Variants in PCDH11Y observed in about 807,000 individuals in gnomAD.
PCDH11Y encodes the protein protocadherin 11 Y-linked, also known as protocadherin-11 Y-linked.
For synonymous variants in PCDH11Y, 9 were observed against 83.6 expected (o/e 0.11, Z 4.87); for missense variants, 12 against 224.8 (o/e 0.05, Z 6.05).
intron 4 of PCDH11Y, among the ~76,000 whole-genome samples, chrY:5,627,918 C>G: frequency 3.1e-5 from 1 of 32,449 alleles, no homozygotes; most frequent in Admixed American, 2.8e-4. Flanking sequence ...AATTTTGAAA[C>G]AATATATTTC....
chrY:5,025,226 T>C, intron 1 of PCDH11Y, among the ~76,000 whole-genome samples: 6 of 33,577 alleles, frequency 1.8e-4, no homozygotes, highest in African/African-American at 6.9e-4. Context: ...GGAAATTGTA[T>C]TAAGTTGACC....
At chrY:5,416,549 T>A in intron 2 of PCDH11Y, among the ~76,000 whole-genome samples, 1 of 32,860 alleles carries the variant, frequency 3.0e-5, no homozygotes, top group Admixed American at 2.8e-4. Context: ...GTTGTGTTCT[T>A]GGCTGCTCTC....
intron 2 of PCDH11Y, among the ~76,000 whole-genome samples, chrY:5,300,471 C>A: frequency 3.1e-5 from 1 of 32,279 alleles, no homozygotes; most frequent in Admixed American, 2.9e-4. Context: ...AAGCACAAAT[C>A]CTGCCTCAAA....
intron 4 of PCDH11Y, among the ~76,000 whole-genome samples, chrY:5,660,871 A>C: frequency 6.1e-5 from 2 of 32,570 alleles, no homozygotes; most frequent in Admixed American, 5.6e-4. Context: ...TTTTTTTCTT[A>C]AGCTTTTATT....
At chrY:5,407,976 T>G in intron 2 of PCDH11Y, among the ~76,000 whole-genome samples, 1 of 30,943 alleles carries the variant, frequency 3.2e-5, no homozygotes, top group Non-Finnish European at 7.8e-5. Flanking sequence ...AAGACTATTT[T>G]GGCACGCAGA....
chrY:5,012,379 G>A, intron 1 of PCDH11Y, among the ~76,000 whole-genome samples: 2 of 32,334 alleles, frequency 6.2e-5, no homozygotes, highest in Non-Finnish European at 1.5e-4. Context: ...AAGGAGTCAC[G>A]TCTTATATGG....
chrY:5,245,676 C>T, intron 2 of PCDH11Y, among the ~76,000 whole-genome samples: 1 of 31,984 alleles, frequency 3.1e-5, no homozygotes, highest in Non-Finnish European at 7.6e-5. Context: ...ACCCAAAAGG[C>T]CAGTGTACCT....
chrY:5,023,696 T>C, intron 1 of PCDH11Y, among the ~76,000 whole-genome samples: 1 of 33,665 alleles, frequency 3.0e-5, no homozygotes, highest in African/African-American at 1.2e-4. Context: ...CTCATATTTG[T>C]GTGTCTTTTG....
intron 3 of PCDH11Y, chrY:5,032,812 T>G: frequency 4.2e-6 from 1 of 236,940 alleles, no homozygotes; most frequent in Non-Finnish European, 6.6e-6. Context: ...TGAACTCCAA[T>G]TTTTCATGTT....
intron 2 of PCDH11Y, among the ~76,000 whole-genome samples, chrY:5,438,156 A>G: frequency 3.7e-5 from 1 of 27,052 alleles, no homozygotes. Flanking sequence ...TCATCTTAAG[A>G]GCAATGATTA....
intron 2 of PCDH11Y, among the ~76,000 whole-genome samples, chrY:5,352,045 GA>G (rs2053159863): frequency 3.1e-5 from 1 of 31,771 alleles, no homozygotes; most frequent in Non-Finnish European, 7.6e-5. Flanking sequence ...AATCCTTTTT[GA>G]AATTTGTCAG....
At chrY:5,010,652 TC>T (rs2052548072) in intron 1 of PCDH11Y, among the ~76,000 whole-genome samples, 1 of 25,216 alleles carries the variant, frequency 4.0e-5, no homozygotes, top group African/African-American at 1.6e-4. Context: ...TCACAGACAT[TC>T]TGAATGCCTC....
chrY:5,092,549 A>C (rs2052743324), intron 1 of PCDH11Y, among the ~76,000 whole-genome samples: 1 of 32,357 alleles, frequency 3.1e-5, no homozygotes, highest in Non-Finnish European at 7.7e-5. Context: ...TAGCAAACCA[A>C]GAATTTTTAG....
chrY:5,328,282 G>T (rs1602905339), intron 2 of PCDH11Y, among the ~76,000 whole-genome samples: 17 of 33,854 alleles, frequency 5.0e-4, no homozygotes, highest in African/African-American at 2.0e-3. Context: ...GGAACGCCTG[G>T]CTGCTACAGT....
At chrY:5,205,136 T>C (rs2052930098) in intron 2 of PCDH11Y, among the ~76,000 whole-genome samples, 1 of 30,378 alleles carries the variant, frequency 3.3e-5, no homozygotes, top group Non-Finnish European at 7.8e-5. Context: ...GGCTAAATTT[T>C]GTTGTTGTTT....
chrY:5,288,818 G>T, intron 2 of PCDH11Y, among the ~76,000 whole-genome samples: 1 of 28,775 alleles, frequency 3.5e-5, no homozygotes, highest in African/African-American at 1.4e-4. Flanking sequence ...TGGCAGCATG[G>T]GTGGGTCACT....
At chrY:5,155,814 T>C (rs1602877523) in intron 2 of PCDH11Y, among the ~76,000 whole-genome samples, 2 of 29,824 alleles carry the variant, frequency 6.7e-5, no homozygotes, top group East Asian at 1.7e-3. Flanking sequence ...ATGCCCCTTT[T>C]TGAGTTTTGG....
intron 2 of PCDH11Y, among the ~76,000 whole-genome samples, chrY:5,464,827 G>A: frequency 3.1e-5 from 1 of 32,599 alleles, no homozygotes; most frequent in Non-Finnish European, 7.5e-5. Context: ...GTCTCCACAC[G>A]CTGCTCTGTC....
At chrY:5,266,163 C>G in intron 2 of PCDH11Y, among the ~76,000 whole-genome samples, 2 of 33,473 alleles carry the variant, frequency 6.0e-5, no homozygotes, top group Non-Finnish European at 1.5e-4. Flanking sequence ...CCTTGAACTT[C>G]TAATGATTTT....
Sources: allele counts gnomAD v4.1 joint callset (sites outside exome capture counted in the v4.1 genomes callset), GRCh38; gene constraint gnomAD v4.1.1; transcripts MANE v1.5; gene names NCBI Gene and HGNC (gene_info 2026-07-23, HGNC 2026-07-21).